TENM2: variants seen among roughly 807,000 people sequenced by gnomAD.
TENM2 encodes teneurin-2.
Under a neutral mutation model 245.2 loss-of-function variants are expected in TENM2, and 52 were observed. That is an observed-to-expected ratio of 0.21 (90% CI 0.17 to 0.27). The LOEUF (loss-of-function observed/expected upper bound fraction) is 0.27, where lower values mean the gene tolerates loss of function less well. TENM2 is among the 10% of genes least tolerant of loss of function. The pLI is 1.00. For synonymous variants in TENM2, 1,363 were observed against 1,438.9 expected (o/e 0.95, Z 1.19); for missense variants, 3,046 against 3,666.8 (o/e 0.83, Z 4.37).
chr5:167,267,844 G>A, the TENM2 span, among the ~76,000 whole-genome samples: 3 of 152,170 alleles, frequency 2.0e-5, no homozygotes, highest in East Asian at 1.9e-4. Context: ...TTTTTTATGG[G>A]GCTGTACATT....
At chr5:168,157,425 A>G (rs963615685) in intron 12 of TENM2, among the ~76,000 whole-genome samples, 1 of 152,152 alleles carries the variant, frequency 6.6e-6, no homozygotes, top group South Asian at 2.1e-4. Context: ...TGATGGTACA[A>G]GACTGGAGGC....
intron 8 of TENM2, among the ~76,000 whole-genome samples, chr5:168,095,512 T>C (rs1235823794): frequency 6.6e-6 from 1 of 152,262 alleles, no homozygotes; most frequent in African/African-American, 2.4e-5. Flanking sequence ...TAGCTTCCTT[T>C]CGTTACTCCA....
chr5:167,469,187 C>A (rs1215562707), intron 2 of TENM2, among the ~76,000 whole-genome samples: 1 of 152,032 alleles, frequency 6.6e-6, no homozygotes, highest in East Asian at 1.9e-4. Context: ...ATAAGAAGAT[C>A]ATCAAACTAG....
At chr5:168,163,533 T>A (rs1302648210) in intron 13 of TENM2, among the ~76,000 whole-genome samples, 1 of 152,174 alleles carries the variant, frequency 6.6e-6, no homozygotes, top group Non-Finnish European at 1.5e-5. Flanking sequence ...TCCCAGCACT[T>A]TGGGAGGCCA....
chr5:168,081,076 G>T (rs1791955433), intron 7 of TENM2, among the ~76,000 whole-genome samples: 1 of 152,130 alleles, frequency 6.6e-6, no homozygotes, highest in African/African-American at 2.4e-5. Flanking sequence ...AAGTCTCTTT[G>T]TAGGTCCCTA....
chr5:168,174,348 A>T (rs1225599673), intron 13 of TENM2, among the ~76,000 whole-genome samples: 1 of 152,124 alleles, frequency 6.6e-6, no homozygotes, highest in Non-Finnish European at 1.5e-5. Context: ...TATGAGCTTA[A>T]ATTTAAGCTT....
At chr5:167,729,675 A>G (rs1760280064) in intron 2 of TENM2, among the ~76,000 whole-genome samples, 1 of 152,194 alleles carries the variant, frequency 6.6e-6, no homozygotes, top group African/African-American at 2.4e-5. Context: ...CTAAGGCCTG[A>G]AGGAAGGTTT....
At chr5:167,283,462 G>T (rs1387859058), upstream of TENM2, among the ~76,000 whole-genome samples, 1 of 150,190 alleles carries the variant, frequency 6.7e-6, no homozygotes, top group Non-Finnish European at 1.5e-5. Context: ...AAGAACTCCT[G>T]GTGTGAAAAA....
the TENM2 span, among the ~76,000 whole-genome samples, chr5:167,040,815 T>A: frequency 6.6e-6 from 1 of 152,230 alleles, no homozygotes; most frequent in Non-Finnish European, 1.5e-5. Flanking sequence ...TTTGAAATAA[T>A]TTATTGATGA....
chr5:167,406,485 T>C (rs1456389154), intron 2 of TENM2, among the ~76,000 whole-genome samples: 4 of 152,172 alleles, frequency 2.6e-5, no homozygotes, highest in African/African-American at 7.2e-5. Flanking sequence ...TAAATGTGAA[T>C]GTATATCAGC....
the TENM2 span, among the ~76,000 whole-genome samples, chr5:167,169,055 AG>A: frequency 6.6e-6 from 1 of 152,208 alleles, no homozygotes; most frequent in African/African-American, 2.4e-5. Context: ...CACGTTGCCC[AG>A]CTTGATGCCT....
At chr5:168,249,453 G>GCTGTGTGTGTGTGT (rs1554234063) in intron 27 of TENM2, among the ~76,000 whole-genome samples, 3 of 148,806 alleles carry the variant, frequency 2.0e-5, no homozygotes, top group African/African-American at 7.6e-5. Flanking sequence ...GTTCTCTCAA[G>GCTGTGTGTGTGTGT]GTGTGTGTGT....
chr5:167,190,836 C>A, the TENM2 span, among the ~76,000 whole-genome samples: 1 of 151,966 alleles, frequency 6.6e-6, no homozygotes, highest in Non-Finnish European at 1.5e-5. Context: ...GGTGGACAAC[C>A]TATTTCCTTT....
chr5:167,693,143 C>T (rs1582768040), intron 2 of TENM2, among the ~76,000 whole-genome samples: 1 of 152,156 alleles, frequency 6.6e-6, no homozygotes, highest in African/African-American at 2.4e-5. Flanking sequence ...GTGTGGCTGG[C>T]ATTCTGTATA....
intron 3 of TENM2, chr5:167,952,249 T>TG (rs1287563058): frequency 2.5e-6 from 1 of 394,966 alleles, no homozygotes; most frequent in African/African-American, 2.0e-5. Context: ...AATAGGGACT[T>TG]GCTACGCCAG....
chr5:168,166,169 T>G (rs1191361641), intron 13 of TENM2, among the ~76,000 whole-genome samples: 2 of 152,130 alleles, frequency 1.3e-5, no homozygotes, highest in African/African-American at 4.8e-5. Flanking sequence ...AAGGGCTATG[T>G]GAGTTTATAA....
At chr5:168,066,312 A>C (rs185372848) in intron 7 of TENM2, among the ~76,000 whole-genome samples, 2 of 152,180 alleles carry the variant, frequency 1.3e-5, no homozygotes, top group Non-Finnish European at 2.9e-5. Context: ...CAGTCACATC[A>C]TAACTTTAGT....
intron 2 of TENM2, among the ~76,000 whole-genome samples, chr5:167,700,730 C>T (rs527265502): frequency 6.6e-6 from 1 of 152,196 alleles, no homozygotes; most frequent in Admixed American, 6.5e-5. Context: ...TCAAAGCCAG[C>T]AGTTAATGAT....
chr5:167,106,002 G>C, the TENM2 span, among the ~76,000 whole-genome samples: 1 of 144,640 alleles, frequency 6.9e-6, no homozygotes, highest in Non-Finnish European at 1.5e-5. Flanking sequence ...AATGAAAAAT[G>C]ATGTGAATCG....
Sources: gnomAD v4.1 joint callset for allele counts (sites outside exome capture counted in the v4.1 genomes callset) on GRCh38, gnomAD v4.1.1 for gene constraint, MANE v1.5 for transcripts, NCBI Gene and HGNC (gene_info 2026-07-23, HGNC 2026-07-21) for gene names.